The following DERL3 variants were observed in gnomAD, a reference collection of about 807,000 sequenced individuals.
The protein encoded by DERL3 is derlin-3.
DERL3 carries 20 observed loss-of-function variants against 23.8 expected under a neutral mutation model. That is an observed-to-expected ratio of 0.84 (90% CI 0.59 to 1.22). The LOEUF is 1.22. Ranked by LOEUF, DERL3 falls within the 50% of genes most tolerant of loss-of-function variation. DERL3 has a pLI of 0.00. For missense variants in DERL3, 319 were observed against 304.1 expected, an observed-to-expected ratio of 1.05 and a Z score of -0.36; for synonymous variants, 145 against 132.5, an observed-to-expected ratio of 1.09 and a Z score of -0.65.
In DERL3 at chr22:23,834,792, A is replaced by G. The variant is rs1427845763; in HGVS notation, c.*2077T>C. 3 of 1,586,762 alleles carry G rather than the reference A, an allele frequency of 1.9e-6. No homozygotes were observed. In the East Asian group the frequency reaches 6.7e-5, roughly 36 times the overall value. ...CAGGGCAAGAGGCTCTCTGCCTTTC[A>G]GGAACAGCCCTAACCCTGCTCCCCT... On this transcript the variant is annotated 3_prime_UTR_variant, in exon 7 of 7. Transcript: ENST00000318109.
chr22:23,837,523 G>C (rs2031172993), intron 5 of DERL3, 136 bp downstream of exon 5: 1 of 928,500 alleles, frequency 1.1e-6, no homozygotes, highest in Non-Finnish European at 1.6e-6. Context: ...CAGCAGCTGG[G>C]AGGGCAGGAA....
Position 23,836,135 on chromosome 22 carries a change from G to A in DERL3, c.*734C>T. ...TCCTCAGCTAAAAAGGGCAGGAACA[G>A]AACCTTCCAGAAGTCCCTGCCTCAC... is the stretch of plus-strand genomic sequence containing the variant. On this transcript the variant is annotated 3_prime_UTR_variant, in exon 7 of 7. Coordinates refer to ENST00000318109, the MANE Select transcript of DERL3 (RefSeq NM_001002862.3). The A allele has an allele frequency of 1.0e-6, 1 of 985,478 alleles. No homozygotes were observed. Among genetic ancestry groups the A allele is most frequent in the East Asian group, 1.1e-4 (1 of 8,812 alleles). The allele number at this position is 985,478 out of a possible 1,614,324, so 61.0% of individuals were successfully genotyped here.
chr22:23,837,697 G>C lies in DERL3; in HGVS notation c.485C>G (p.Ser162Trp). 3.7e-6 allele frequency: 6 copies of C among 1,613,870 alleles called. No individual in the cohort carries two copies. In the Middle Eastern group the frequency reaches 4.9e-4, roughly 133 times the overall value. ...PFLPWALMGF[S>W]LLLGNSILVD... ...GAGGATGGAGTTGCCCAGCAGCAGCGAGAAGCCCATGAGCGCCCAAGGCAG... is the reference window on the plus strand; with the variant it reads ...GAGGATGGAGTTGCCCAGCAGCAGCCAGAAGCCCATGAGCGCCCAAGGCAG... The change falls in exon 5 of 7, where the codon TCG (serine) becomes TGG (tryptophan). Residue 162 changes from serine to tryptophan, a missense_variant. Physicochemically the swap from Ser to Trp is radical, Grantham distance 177 (BLOSUM62 -3). Transcript: ENST00000318109.
rs1376932979 is a variant in DERL3 at position 23,835,576 on chromosome 22, C to T, written c.*1293G>A. The T allele has an allele frequency of 4.1e-6, 4 of 985,528 alleles. No individual in the cohort carries two copies. Among genetic ancestry groups the T allele is most frequent in the Non-Finnish European group, 4.8e-6 (4 of 829,962 alleles). The allele number at this position is 985,528 out of a possible 1,614,324, so 61.0% of individuals were successfully genotyped here. On this transcript the variant is annotated 3_prime_UTR_variant, in exon 7 of 7. Coordinates refer to ENST00000318109, the MANE Select transcript of DERL3 (RefSeq NM_001002862.3). ...GGAGTTTGCACTCAGGGCCTCTGCC[C>T]TCCATCAAAGAGTGGAACTCCCCAG... is the stretch of plus-strand genomic sequence containing the variant.
At chr22:23,838,199 C>CT in intron 4 of DERL3, 153 bp downstream of exon 4, 1 of 1,547,892 alleles carries the variant, frequency 6.5e-7, no homozygotes, top group Non-Finnish European at 8.7e-7. Flanking sequence ...GCCCTGACCC[C>CT]TGCAGCTGAG....
At position 23,835,687 on chromosome 22, in the gene DERL3, C is replaced by T; in HGVS notation, c.*1182G>A. On this transcript the variant is annotated 3_prime_UTR_variant, in exon 7 of 7. Transcript: ENST00000318109. ...GATTCCCAGCCCAGCTGCTCTTAGA[C>T]ATGAACAGGTTTCATTGCTGAGGTG... The T allele has an allele frequency of 1.0e-6, 1 of 985,542 alleles. No individual in the cohort carries two copies. Among genetic ancestry groups the T allele is most frequent in the Non-Finnish European group, 1.2e-6 (1 of 829,968 alleles). The allele number at this position is 985,542 out of a possible 1,614,324, so 61.0% of individuals were successfully genotyped here.
chr22:23,836,106 C>G lies in DERL3; in HGVS notation c.*763G>C. 1 of 985,484 alleles carries G rather than the reference C, an allele frequency of 1.0e-6. No individual in the cohort carries two copies. The highest frequency in any genetic ancestry group is 1.2e-6 in the Non-Finnish European group (1 of 829,972). The allele number at this position is 985,484 out of a possible 1,614,324, so 61.0% of individuals were successfully genotyped here. ...CCACAGGGGTCGGATAAGGCTCACA[C>G]ACGTCCTCAGCTAAAAAGGGCAGGA... is the stretch of plus-strand genomic sequence containing the variant. On this transcript the variant is annotated 3_prime_UTR_variant, in exon 7 of 7. Coordinates refer to ENST00000318109, the MANE Select transcript of DERL3 (RefSeq NM_001002862.3).
At chr22:23,838,061 C>A (rs1308044465) in intron 4 of DERL3, 1 of 1,449,384 alleles carries the variant, frequency 6.9e-7, no homozygotes, top group African/African-American at 1.4e-5. Flanking sequence ...TCCCAGGGCC[C>A]AACCACTGCC....
At chr22:23,838,212 C>T in intron 4 of DERL3, 140 bp downstream of exon 4, 2 of 1,549,052 alleles carry the variant, frequency 1.3e-6, no homozygotes, top group Non-Finnish European at 8.7e-7. Context: ...CAGCTGAGCA[C>T]AGAGTGGGCC....
In DERL3 at chr22:23,835,267, G is replaced by A. The variant is rs1464809361; in HGVS notation, c.*1602C>T. On this transcript the variant is annotated 3_prime_UTR_variant, in exon 7 of 7. Transcript: ENST00000318109. ...GTCCCCATTCTTCAGAATGGACACAGGATCTGGGAGGGCAGCAAACTGGCT... is the reference window on the plus strand; with the variant it reads ...GTCCCCATTCTTCAGAATGGACACAAGATCTGGGAGGGCAGCAAACTGGCT... The A allele has an allele frequency of 1.1e-5, 12 of 1,096,750 alleles. No homozygotes were observed. The highest frequency in any genetic ancestry group is 1.3e-5 in the Non-Finnish European group (12 of 902,076). The allele number at this position is 1,096,750 out of a possible 1,614,324, so 67.9% of individuals were successfully genotyped here.
chr22:23,837,399 G>A, intron 5 of DERL3: 1 of 649,192 alleles, frequency 1.5e-6, no homozygotes. Flanking sequence ...GAGCCATGGG[G>A]CAGGAACCCT....
chr22:23,834,585 T>TG lies in DERL3; in HGVS notation c.*2283dup. On this transcript the variant is annotated 3_prime_UTR_variant, in exon 7 of 7. Coordinates refer to ENST00000318109, the MANE Select transcript of DERL3 (RefSeq NM_001002862.3). ...GAGAGCCAGGAGTGGGGCCGGGGCC[T>TG]GGGGGGACGAAGGTGGTATGTGAAC... The TG allele has an allele frequency of 1.4e-6, 1 of 707,476 alleles. No homozygotes were observed. Among genetic ancestry groups the TG allele is most frequent in the Non-Finnish European group, 2.5e-6 (1 of 394,096 alleles). 43.8% of individuals were successfully genotyped at this position (707,476 alleles called of 1,614,324 possible).
At chr22:23,837,956 G>T in intron 4 of DERL3, 102 bp from the exon 5 acceptor site, 1 of 1,303,848 alleles carries the variant, frequency 7.7e-7, no homozygotes. Context: ...TCCCCTATGT[G>T]CTATTCCCTC....
chr22:23,834,628 C>T lies in DERL3; in HGVS notation c.*2241G>A, dbSNP rs1405534339. On this transcript the variant is annotated 3_prime_UTR_variant, in exon 7 of 7. Transcript: ENST00000318109. ...ATGTGAACAAGGTTGGCACACAGGC[C>T]TCACCCTCCTCTGCCTCAGATTCCC... 2.5e-6 allele frequency: 2 copies of T among 801,442 alleles called. No homozygotes were observed. Among genetic ancestry groups the T allele is most frequent in the Non-Finnish European group, 2.0e-6 (1 of 495,148 alleles). The allele number at this position is 801,442 out of a possible 1,614,324, so 49.6% of individuals were successfully genotyped here. A position where few individuals can be genotyped will look rare whatever the true frequency, so the allele number is the denominator to read the frequency against.
Position 23,838,542 on chromosome 22 carries a change from G to A in DERL3, c.233+22C>T, listed in dbSNP as rs1328738314. ...GGCCGGCCTGCCCTCCACCCAGCCC[G>A]TGTCCGCAGGGCGCAGGATACACGA... On this transcript the variant is annotated intron_variant, in intron 3 of 6. Coordinates refer to ENST00000318109, the MANE Select transcript of DERL3 (RefSeq NM_001002862.3). 1.9e-6 allele frequency: 3 copies of A among 1,578,682 alleles called. No homozygotes were observed. The African/African-American group carries it at 4.1e-5, about 21-fold the overall frequency.
chr22:23,835,044 C>G lies in DERL3; in HGVS notation c.*1825G>C, dbSNP rs550315318. The G allele has an allele frequency of 7.1e-7, 1 of 1,406,500 alleles. No homozygotes were observed. Among genetic ancestry groups the G allele is most frequent in the Admixed American group, 3.0e-5 (1 of 32,980 alleles). The allele number at this position is 1,406,500 out of a possible 1,614,324, so 87.1% of individuals were successfully genotyped here. On this transcript the variant is annotated 3_prime_UTR_variant, in exon 7 of 7. Transcript: ENST00000318109. Reference sequence around the variant, plus strand: ...TAGCCAGGTCAGCTGGGGCCCTTTCCCACCCCAGCAGGTGCTGTGGCCTGG... The same window carrying G: ...TAGCCAGGTCAGCTGGGGCCCTTTCGCACCCCAGCAGGTGCTGTGGCCTGG...
At chr22:23,837,946 T>C in intron 4 of DERL3, 92 bp from the exon 5 acceptor site, 1 of 1,336,368 alleles carries the variant, frequency 7.5e-7, no homozygotes, top group Non-Finnish European at 1.0e-6. Context: ...TCCCCTCATC[T>C]CCCCTATGTG....
chr22:23,836,075 A>G lies in DERL3; in HGVS notation c.*794T>C. The G allele has an allele frequency of 2.0e-6, 2 of 985,480 alleles. No homozygotes were observed. The highest frequency in any genetic ancestry group is 2.4e-6 in the Non-Finnish European group (2 of 829,960). The allele number at this position is 985,480 out of a possible 1,614,324, so 61.0% of individuals were successfully genotyped here. On this transcript the variant is annotated 3_prime_UTR_variant, in exon 7 of 7. Transcript: ENST00000318109. The stretch of plus-strand genomic sequence containing the variant: ...GAAAGCTGCCAGGTCAGAAGAGAAA[A>G]ATGAGCCACAGGGGTCGGATAAGGC...
At position 23,834,640 on chromosome 22, in the gene DERL3, T is replaced by C; in HGVS notation, c.*2229A>G. 1 of 861,432 alleles carries C rather than the reference T, an allele frequency of 1.2e-6. No homozygotes were observed. The allele number at this position is 861,432 out of a possible 1,614,324, so 53.4% of individuals were successfully genotyped here. A position where few individuals can be genotyped will look rare whatever the true frequency, so the allele number is the denominator to read the frequency against. On this transcript the variant is annotated 3_prime_UTR_variant, in exon 7 of 7. Transcript: ENST00000318109. ...TTGGCACACAGGCCTCACCCTCCTCTGCCTCAGATTCCCAAGTGGGCAGGT... is the reference window on the plus strand; with the variant it reads ...TTGGCACACAGGCCTCACCCTCCTCCGCCTCAGATTCCCAAGTGGGCAGGT...
Sources: allele counts gnomAD v4.1 joint callset, GRCh38; gene constraint gnomAD v4.1.1; transcripts MANE v1.5; gene names NCBI Gene and HGNC (gene_info 2026-07-23, HGNC 2026-07-21).